The following ZNF354C variants were observed in gnomAD, a reference collection of about 807,000 sequenced individuals.
ZNF354C encodes the protein zinc finger protein 354C.
Under a neutral mutation model 12.4 loss-of-function variants are expected in ZNF354C, and 7 were observed. The ratio of observed to expected loss-of-function variants is 0.56; its 90% CI spans 0.32 to 1.06. ZNF354C has a LOEUF of 1.06. Among genes scored for constraint, ZNF354C ranks in the 50% least tolerant of loss-of-function variants. ZNF354C has a pLI of 0.04. For missense variants in ZNF354C, 609 were observed against 658.0 expected (o/e 0.93, Z 0.81); for synonymous variants, 202 against 224.5 (o/e 0.90, Z 0.90).
At position 179,078,817 on chromosome 5, in the gene ZNF354C, G is replaced by C; in HGVS notation, c.385G>C (p.Glu129Gln). 6.2e-7 allele frequency: 1 copy of C among 1,614,078 alleles called. No individual in the cohort carries two copies. Among genetic ancestry groups the C allele is most frequent in the Non-Finnish European group, 8.5e-7 (1 of 1,180,000 alleles). ...GGACATTAACTTTGAAGAAGCTGTGGAATTTGAGAGCGAGATAGAAGAAGA... is the reference window on the plus strand; with the variant it reads ...GGACATTAACTTTGAAGAAGCTGTGCAATTTGAGAGCGAGATAGAAGAAGA... ...HWDINFEEAVEFESEIEEEQE... is the reference protein window; with the variant it reads ...HWDINFEEAVQFESEIEEEQE... The change falls in exon 5 of 5, where the codon GAA becomes CAA. Residue 129 changes from glutamate (E) to glutamine (Q), a missense_variant. Physicochemically the swap from Glu to Gln is conservative, Grantham distance 29. Coordinates refer to ENST00000315475, the MANE Select transcript of ZNF354C (RefSeq NM_014594.3).
chr5:179,064,398 C>A (rs1377135761), intron 2 of ZNF354C, among the ~76,000 whole-genome samples: 1 of 150,618 alleles, frequency 6.6e-6, no homozygotes, highest in East Asian at 2.0e-4. Flanking sequence ...GTGTGAGCAA[C>A]TGTGCCCGGC....
At chr5:179,064,246 G>A (rs995297692) in intron 2 of ZNF354C, among the ~76,000 whole-genome samples, 2 of 152,008 alleles carry the variant, frequency 1.3e-5, no homozygotes, top group African/African-American at 2.4e-5. Flanking sequence ...TGTTGTTGTT[G>A]TTGCTTTTTT....
chr5:179,075,774 A>G (rs568808760), intron 2 of ZNF354C, among the ~76,000 whole-genome samples: 18 of 152,324 alleles, frequency 1.2e-4, no homozygotes, highest in South Asian at 8.3e-4. Flanking sequence ...ACCTCATTCT[A>G]TTTAGCGGCT....
chr5:179,069,588 G>A (rs1013329101), intron 2 of ZNF354C, among the ~76,000 whole-genome samples: 3 of 144,718 alleles, frequency 2.1e-5, no homozygotes, highest in South Asian at 4.5e-4. Flanking sequence ...AAGAAAGGCC[G>A]GGCACGGTGG....
intron 2 of ZNF354C, among the ~76,000 whole-genome samples, chr5:179,062,751 C>T (rs371972023): frequency 2.0e-5 from 3 of 152,174 alleles, no homozygotes; most frequent in Non-Finnish European, 4.4e-5. Flanking sequence ...CCCAGTGCAG[C>T]GGGGATGTTA....
At chr5:179,071,945 A>G (rs1581118346) in intron 2 of ZNF354C, among the ~76,000 whole-genome samples, 1 of 152,162 alleles carries the variant, frequency 6.6e-6, no homozygotes, top group Non-Finnish European at 1.5e-5. Context: ...TAAATTAACT[A>G]CCTGCTTAAA....
chr5:179,075,502 C>T (rs912594130), intron 2 of ZNF354C, among the ~76,000 whole-genome samples: 1 of 152,020 alleles, frequency 6.6e-6, no homozygotes, highest in Admixed American at 6.6e-5. Context: ...CATACATACA[C>T]ACAATCTCCC....
intron 2 of ZNF354C, among the ~76,000 whole-genome samples, chr5:179,068,503 T>G (rs1170591358): frequency 6.6e-6 from 1 of 152,252 alleles, no homozygotes; most frequent in African/African-American, 2.4e-5. Flanking sequence ...ATTTACATTG[T>G]GTTTTTGTTT....
At chr5:179,072,727 G>A (rs1762066624) in intron 2 of ZNF354C, among the ~76,000 whole-genome samples, 1 of 151,878 alleles carries the variant, frequency 6.6e-6, no homozygotes, top group Admixed American at 6.6e-5. Flanking sequence ...GTAAACAGAA[G>A]CAAATAAATT....
rs1405822440 is a variant in ZNF354C, at chr5:179,082,823, T to C, written c.*2726T>C. ...TCAAGCGACTGACCAACCGATCAGG[T>C]CGAGGAGCTGCAACAGCCTTGGGGC... is the stretch of plus-strand genomic sequence containing the variant. On this transcript the variant is annotated 3_prime_UTR_variant, in exon 5 of 5. Coordinates refer to ENST00000315475, the MANE Select transcript of ZNF354C (RefSeq NM_014594.3). 2.1e-5 allele frequency: 27 copies of C among 1,307,632 alleles called. No homozygotes were observed. The Admixed American group carries it at 3.2e-4, about 15-fold the overall frequency. The allele number at this position is 1,307,632 out of a possible 1,614,324, so 81.0% of individuals were successfully genotyped here.
At chr5:179,077,738 G>A (rs760186409) in intron 4 of ZNF354C, among the ~76,000 whole-genome samples, 3 of 151,040 alleles carry the variant, frequency 2.0e-5, no homozygotes, top group Non-Finnish European at 2.9e-5. Context: ...CTTAAACTTC[G>A]ATCACATAGA....
Position 179,083,740 on chromosome 5 carries a change from T to C in ZNF354C, c.*3643T>C, listed in dbSNP as rs1316748197. Among the ~76,000 whole-genome samples the C allele has an allele frequency of 2.6e-5, 4 of 152,292 alleles. No individual in the cohort carries two copies. The East Asian group carries it at 7.7e-4, about 29-fold the overall frequency. On this transcript the variant is annotated 3_prime_UTR_variant, in exon 5 of 5. Transcript: ENST00000315475. ...GCATGGAGCAGCTGTCTGGGGACCC[T>C]CAAAAGTAATGATTGATAACAACAG...
At position 179,079,875 on chromosome 5, in the gene ZNF354C, A is replaced by G; in HGVS notation, c.1443A>G (p.Ser481=). ...GTGGAAAGGCCTTCAGCCAGTATTCATTTTTAACCGAACATGAGAGGATCC... is the reference window on the plus strand; with the variant it reads ...GTGGAAAGGCCTTCAGCCAGTATTCGTTTTTAACCGAACATGAGAGGATCC... ...NQCGKAFSQY[S]FLTEHERIHT... is the part of the protein sequence containing the mutation. Residue 481 remains serine (S), a synonymous_variant, in exon 5 of 5, where the codon TCA becomes TCG. Transcript: ENST00000315475. The surrounding 1 kb of genome is among the most constrained non-coding windows in gnomAD (Gnocchi z 4.2). 6.2e-7 allele frequency: 1 copy of G among 1,613,876 alleles called. No homozygotes were observed.
chr5:179,064,170 T>C (rs143805669), intron 2 of ZNF354C, among the ~76,000 whole-genome samples: 5 of 152,310 alleles, frequency 3.3e-5, no homozygotes, highest in African/African-American at 1.2e-4. Context: ...GAGCCAGTTT[T>C]TGTTGTTGTT....
In ZNF354C at chr5:179,079,844, A is replaced by T. The variant is rs1762198568; in HGVS notation, c.1412A>T (p.Asn471Ile). 6.2e-7 allele frequency: 1 copy of T among 1,613,984 alleles called. No homozygotes were observed. The highest frequency in any genetic ancestry group is 1.3e-5 in the African/African-American group (1 of 74,908). Residue 471 changes from asparagine to isoleucine, a missense_variant, in exon 5 of 5, where the codon AAT becomes ATT. Physicochemically the swap from Asn to Ile is moderately radical, Grantham distance 149. Transcript: ENST00000315475. This position sits in a 1 kb window ranked among gnomAD's most constrained non-coding sequence, Gnocchi z 4.2. ...IHTGEKPYQC[N>I]QCGKAFSQYS... ...ACTGGAGAGAAACCGTATCAGTGTA[A>T]TCAGTGTGGAAAGGCCTTCAGCCAG...
chr5:179,074,140 G>A (rs1277229934), intron 2 of ZNF354C, among the ~76,000 whole-genome samples: 2 of 151,522 alleles, frequency 1.3e-5, no homozygotes, highest in African/African-American at 4.9e-5. Flanking sequence ...GTGCCACCAT[G>A]CCCAGCTAAT....
intron 2 of ZNF354C, among the ~76,000 whole-genome samples, chr5:179,068,753 A>G (rs1761996776): frequency 6.6e-6 from 1 of 152,060 alleles, no homozygotes; most frequent in South Asian, 2.1e-4. Flanking sequence ...GTGCCAGGGC[A>G]CCATAGCAAA....
intron 2 of ZNF354C, among the ~76,000 whole-genome samples, chr5:179,065,740 C>T (rs989929565): frequency 2.6e-5 from 4 of 152,034 alleles, no homozygotes; most frequent in African/African-American, 4.8e-5. Flanking sequence ...GTAGAATGCC[C>T]CTCCATTGTG....
chr5:179,079,620 T>G lies in ZNF354C; in HGVS notation c.1188T>G (p.Ile396Met), dbSNP rs1272664529. Reference sequence around the variant, plus strand: ...AATGTGGGAGAACCTTCACACGTATTGTAACCCTTATCGAACATCAGCGAA... The same window carrying G: ...AATGTGGGAGAACCTTCACACGTATGGTAACCCTTATCGAACATCAGCGAA... ...CLECGRTFTR[I>M]VTLIEHQRIH... is the part of the protein sequence containing the mutation. The change falls in exon 5 of 5, where the codon ATT becomes ATG. Residue 396 changes from isoleucine to methionine, a missense_variant. Transcript: ENST00000315475. The surrounding 1 kb of genome is among the most constrained non-coding windows in gnomAD (Gnocchi z 4.2). The G allele has an allele frequency of 6.2e-7, 1 of 1,614,050 alleles. No individual in the cohort carries two copies. Among genetic ancestry groups the G allele is most frequent in the East Asian group, 2.2e-5 (1 of 44,896 alleles).
Sources: gnomAD v4.1 joint callset for allele counts (sites outside exome capture counted in the v4.1 genomes callset) on GRCh38, gnomAD v4.1.1 for gene constraint, Gnocchi (gnomAD v3.1) non-coding constraint, MANE v1.5 for transcripts, NCBI Gene and HGNC (gene_info 2026-07-23, HGNC 2026-07-21) for gene names.